SOX5: variants seen among roughly 807,000 people sequenced by gnomAD.
The protein encoded by SOX5 is transcription factor SOX-5.
SOX5 carries 9 observed loss-of-function variants against 92.0 expected under a neutral mutation model. The observed-to-expected ratio is 0.10, with a 90% confidence interval of 0.06 to 0.17. SOX5 has a LOEUF of 0.17. Among genes scored for constraint, SOX5 ranks in the 10% least tolerant of loss-of-function variants. The pLI, the probability that SOX5 is intolerant of heterozygous loss-of-function variation, is 1.00. For missense variants in SOX5, 642 were observed against 944.5 expected (o/e 0.68, Z 4.20); for synonymous variants, 344 against 336.3 (o/e 1.02, Z -0.25).
chr12:23,976,664 C>G (rs1468986840), intron 4 of SOX5, among the ~76,000 whole-genome samples: 1 of 152,092 alleles, frequency 6.6e-6, no homozygotes, highest in East Asian at 1.9e-4. Flanking sequence ...GGATTTATAA[C>G]TGCAACAAAA....
chr12:23,972,463 T>G (rs1948451340), intron 4 of SOX5, among the ~76,000 whole-genome samples: 1 of 152,076 alleles, frequency 6.6e-6, no homozygotes, highest in South Asian at 2.1e-4. Context: ...GTTCAAGTGA[T>G]TCTCCTGCCC....
At chr12:24,192,304 T>C (rs1594112671) in intron 4 of SOX5, among the ~76,000 whole-genome samples, 1 of 152,344 alleles carries the variant, frequency 6.6e-6, no homozygotes, top group South Asian at 2.1e-4. Flanking sequence ...AACTAAATTA[T>C]TTTGAATTTC....
chr12:24,169,857 C>G (rs1376184342), intron 4 of SOX5, among the ~76,000 whole-genome samples: 2 of 152,194 alleles, frequency 1.3e-5, no homozygotes, highest in Non-Finnish European at 2.9e-5. Flanking sequence ...TAAGCTATGT[C>G]ATGCCATCCT....
intron 4 of SOX5, among the ~76,000 whole-genome samples, chr12:24,071,710 A>C (rs772767147): frequency 5.9e-5 from 9 of 152,184 alleles, no homozygotes; most frequent in Non-Finnish European, 1.0e-4. Context: ...CTGGGATTAC[A>C]GGCATGAGCC....
intron 3 of SOX5, among the ~76,000 whole-genome samples, chr12:24,263,547 A>AAAAAC (rs1942551228): frequency 1.4e-5 from 2 of 144,932 alleles, no homozygotes; most frequent in Non-Finnish European, 3.0e-5. Flanking sequence ...AAAACAAAAA[A>AAAAAC]AAAAACAAAA....
intron 11 of SOX5, among the ~76,000 whole-genome samples, chr12:23,548,394 T>A (rs931240826): frequency 4.6e-5 from 7 of 152,010 alleles, no homozygotes; most frequent in Non-Finnish European, 1.0e-4. Context: ...GCACCCAATA[T>A]TAATAAAATG....
At chr12:24,094,606 T>G (rs541174599) in intron 4 of SOX5, among the ~76,000 whole-genome samples, 20 of 152,300 alleles carry the variant, frequency 1.3e-4, no homozygotes, top group African/African-American at 4.6e-4. Context: ...AGTAAGATTT[T>G]TAAAGTTTTG....
intron 4 of SOX5, among the ~76,000 whole-genome samples, chr12:24,019,706 C>G (rs965571493): frequency 6.6e-5 from 10 of 152,176 alleles, no homozygotes; most frequent in African/African-American, 2.4e-4. Context: ...TTCACTGCAA[C>G]TGTGGTTAAT....
At chr12:24,333,571 T>C (rs1311118351) in intron 2 of SOX5, among the ~76,000 whole-genome samples, 1 of 151,978 alleles carries the variant, frequency 6.6e-6, no homozygotes, top group Non-Finnish European at 1.5e-5. Context: ...TTTAAAATAC[T>C]CCAAAATCCA....
At chr12:24,221,345 T>C (rs974667164) in intron 3 of SOX5, among the ~76,000 whole-genome samples, 1 of 152,234 alleles carries the variant, frequency 6.6e-6, no homozygotes, top group South Asian at 2.1e-4. Flanking sequence ...TAATTTGTTT[T>C]ATAACCATGT....
At chr12:24,502,964 T>G (rs1296002907) in intron 1 of SOX5, among the ~76,000 whole-genome samples, 2 of 152,106 alleles carry the variant, frequency 1.3e-5, no homozygotes, top group Non-Finnish European at 2.9e-5. Context: ...GTCAAGATCA[T>G]GAAAAACAGG....
At position 23,970,839 on chromosome 12, in the gene SOX5, TAA is replaced by T. The variant is rs1569324071; in HGVS notation, c.-1-74817_-1-74816del. 7.2e-4 allele frequency among the ~76,000 whole-genome samples: 33 copies of T among 45,776 alleles called. 6 individuals carry two copies. The highest frequency in any genetic ancestry group is 2.1e-3 in the South Asian group (2 of 944). The allele number at this position is 45,776 out of a possible 152,430, so 30.0% of individuals were successfully genotyped here. A position where few individuals can be genotyped will look rare whatever the true frequency, so the allele number is the denominator to read the frequency against. On this transcript the variant is annotated intron_variant, in intron 4 of 4. Coordinates refer to the SOX5 transcript ENST00000446891. Reference sequence around the variant, plus strand: ...TCACATGGGACTTTATATATATATATAATTTTTTTTTTTTTTTAAGAAATGGG... The same window carrying T: ...TCACATGGGACTTTATATATATATATTTTTTTTTTTTTTTTAAGAAATGGG...
intron 2 of SOX5, among the ~76,000 whole-genome samples, chr12:24,336,867 G>T (rs1202574700): frequency 3.3e-5 from 5 of 152,172 alleles, no homozygotes; most frequent in African/African-American, 1.2e-4. Flanking sequence ...GGGGATGCAG[G>T]TGGGGCCCAG....
chr12:23,924,450 C>G (rs1039982530), intron 1 of SOX5, among the ~76,000 whole-genome samples: 3 of 152,036 alleles, frequency 2.0e-5, no homozygotes, highest in African/African-American at 4.8e-5. Context: ...TGACAAATTA[C>G]AGTGAAATTT....
Position 24,302,529 on chromosome 12 carries a change from A to G in SOX5, c.-173-25217T>C, listed in dbSNP as rs962323422. Among the ~76,000 whole-genome samples the G allele has an allele frequency of 2.0e-5, 3 of 152,126 alleles. No homozygotes were observed. In the East Asian group the frequency reaches 5.8e-4, roughly 29 times the overall value. On this transcript the variant is annotated intron_variant, in intron 2 of 4. Transcript: ENST00000446891. Reference sequence around the variant, plus strand: ...TGGGAAAAGCAGGCTCTGAAAAAGTATAAAGAGGGATGGATCTATGAGTTT... The same window carrying G: ...TGGGAAAAGCAGGCTCTGAAAAAGTGTAAAGAGGGATGGATCTATGAGTTT...
chr12:24,115,644 T>C (rs1947908461), intron 4 of SOX5, among the ~76,000 whole-genome samples: 1 of 152,036 alleles, frequency 6.6e-6, no homozygotes, highest in South Asian at 2.1e-4. Flanking sequence ...AAGGCAAAGA[T>C]TGCCAAAAAA....
intron 1 of SOX5, among the ~76,000 whole-genome samples, chr12:24,375,754 A>AAG (rs1957200521): frequency 1.3e-5 from 2 of 150,448 alleles, no homozygotes; most frequent in African/African-American, 4.9e-5. Context: ...AAAAAAAAAA[A>AAG]GTGAGAATAC....
intron 4 of SOX5, among the ~76,000 whole-genome samples, chr12:24,037,135 A>C (rs1176318351): frequency 1.3e-5 from 2 of 152,030 alleles, no homozygotes; most frequent in Non-Finnish European, 2.9e-5. Flanking sequence ...TGATAGGGGG[A>C]GGGGGAGGGA....
chr12:23,935,069 C>G (rs1447494582), intron 1 of SOX5, among the ~76,000 whole-genome samples: 2 of 151,198 alleles, frequency 1.3e-5, no homozygotes, highest in Non-Finnish European at 3.0e-5. Context: ...ATGGATCAAG[C>G]CTACATTAAC....
Sources: gnomAD v4.1 joint callset for allele counts (sites outside exome capture counted in the v4.1 genomes callset) on GRCh38, gnomAD v4.1.1 for gene constraint, MANE v1.5 for transcripts, NCBI Gene and HGNC (gene_info 2026-07-23, HGNC 2026-07-21) for gene names.